Variants in ATG7 observed in about 807,000 individuals in gnomAD.
ATG7 encodes ubiquitin-like modifier-activating enzyme ATG7.
ATG7 carries 70 observed loss-of-function variants against 82.4 expected under a neutral mutation model. That is an observed-to-expected ratio of 0.85 (90% CI 0.70 to 1.04). ATG7 has a LOEUF of 1.04. Among genes scored for constraint, ATG7 ranks in the 50% least tolerant of loss-of-function variants. The probability of loss-of-function intolerance (pLI) is 0.00; values close to 1 mark genes in which losing one functional copy is unlikely to be tolerated. For missense variants in ATG7, 792 were observed against 864.3 expected, an observed-to-expected ratio of 0.92 and a Z score of 1.05; for synonymous variants, 287 against 313.0, an observed-to-expected ratio of 0.92 and a Z score of 0.88.
chr3:11,379,254 A>G (rs2077688102), intron 18 of ATG7, among the ~76,000 whole-genome samples: 1 of 152,172 alleles, frequency 6.6e-6, no homozygotes, highest in Non-Finnish European at 1.5e-5. Context: ...TCATATTTTT[A>G]TGATATATAG....
At position 11,476,725 on chromosome 3, in the gene ATG7, TTC is replaced by T. The variant is rs528856347; in HGVS notation, c.2079+49801_2079+49802del. Among the ~76,000 whole-genome samples, 21 of 152,348 alleles carry T rather than the reference TTC, an allele frequency of 1.4e-4. No individual in the cohort carries two copies. The East Asian group carries it at 4.1e-3, about 29-fold the overall frequency. ...CCAAAATGAAAATCAGATGTTTTTCTTCTTTTTCATTTTTTTCCAAAGCAAAT... is the reference window on the plus strand; with the variant it reads ...CCAAAATGAAAATCAGATGTTTTTCTTTTTTCATTTTTTTCCAAAGCAAAT... On this transcript the variant is annotated intron_variant, in intron 20 of 20. Coordinates refer to ENST00000693202, the MANE Select transcript of ATG7 (RefSeq NM_001349232.2).
At chr3:11,375,654 G>A (rs1477348739) in intron 18 of ATG7, among the ~76,000 whole-genome samples, 1 of 152,188 alleles carries the variant, frequency 6.6e-6, no homozygotes, top group Non-Finnish European at 1.5e-5. Context: ...CTGCCTTCCG[G>A]TTTCAAGCAA....
chr3:11,475,868 G>C (rs1377653582), intron 20 of ATG7, among the ~76,000 whole-genome samples: 3 of 111,126 alleles, frequency 2.7e-5, no homozygotes, highest in South Asian at 6.8e-4. Flanking sequence ...CTGTCTCTGA[G>C]ACACACACAC....
At chr3:11,447,711 C>T (rs1279509174) in intron 20 of ATG7, among the ~76,000 whole-genome samples, 1 of 152,096 alleles carries the variant, frequency 6.6e-6, no homozygotes, top group Non-Finnish European at 1.5e-5. Context: ...CTAGTGGCTC[C>T]AAAAAGAAAA....
intron 9 of ATG7, among the ~76,000 whole-genome samples, chr3:11,327,047 C>A (rs552975354): frequency 1.3e-5 from 2 of 152,284 alleles, no homozygotes; most frequent in South Asian, 2.1e-4. Flanking sequence ...CTAGCTGCCT[C>A]CCAGGATCCC....
At chr3:11,546,794 T>G (rs1025724141) in intron 20 of ATG7, among the ~76,000 whole-genome samples, 1 of 152,222 alleles carries the variant, frequency 6.6e-6, no homozygotes, top group Admixed American at 6.5e-5. Context: ...TGGCAGCCCA[T>G]CCCTGCCCTC....
Position 11,299,401 on chromosome 3 carries a change from T to C in ATG7, c.200T>C (p.Phe67Ser). ...AGLPARLTLE[F>S]SAFDMSAPTP... The stretch of plus-strand genomic sequence containing the variant: ...CTGCCAGCTCGCTTAACATTGGAGT[T>C]CAGTGCTTTTGACATGTGAGTATTT... Residue 67 changes from phenylalanine (F) to serine (S), a missense_variant, in exon 5 of 21, where the codon TTC becomes TCC. Transcript: ENST00000693202. 1.2e-6 allele frequency: 2 copies of C among 1,611,668 alleles called. No homozygotes were observed. Among genetic ancestry groups the C allele is most frequent in the South Asian group, 2.2e-5 (2 of 91,044 alleles).
chr3:11,455,378 G>C (rs1355130126), intron 20 of ATG7, among the ~76,000 whole-genome samples: 1 of 152,178 alleles, frequency 6.6e-6, no homozygotes, highest in Non-Finnish European at 1.5e-5. Flanking sequence ...AGAGTAGTCA[G>C]TTTCTGCAGG....
the ATG7 span, among the ~76,000 whole-genome samples, chr3:11,570,287 C>A: frequency 6.6e-6 from 1 of 152,196 alleles, no homozygotes; most frequent in South Asian, 2.1e-4. Flanking sequence ...TGCCAGGAGG[C>A]CTTTCCGACC....
At chr3:11,334,294 G>T (rs1346683911) in intron 11 of ATG7, among the ~76,000 whole-genome samples, 3 of 151,860 alleles carry the variant, frequency 2.0e-5, no homozygotes, top group East Asian at 2.0e-4. Context: ...ACCCAGGCTG[G>T]AGTGCAGTGG....
At chr3:11,337,989 G>C (rs970964414) in intron 11 of ATG7, among the ~76,000 whole-genome samples, 6 of 151,844 alleles carry the variant, frequency 4.0e-5, no homozygotes, top group African/African-American at 1.2e-4. Flanking sequence ...TCGGTTCAGG[G>C]GTATATGTGG....
downstream of ATG7, chr3:11,558,416 C>T: frequency 7.4e-7 from 1 of 1,352,560 alleles, no homozygotes; most frequent in Non-Finnish European, 9.8e-7. Flanking sequence ...ACACAAATCC[C>T]AACAACATGG....
At chr3:11,404,647 A>G (rs2080162530) in intron 19 of ATG7, among the ~76,000 whole-genome samples, 2 of 152,036 alleles carry the variant, frequency 1.3e-5, no homozygotes, top group African/African-American at 4.8e-5. Context: ...GCTCATAAAG[A>G]CATACCTGAG....
chr3:11,498,030 A>C (rs1269852045), intron 20 of ATG7, among the ~76,000 whole-genome samples: 1 of 152,198 alleles, frequency 6.6e-6, no homozygotes, highest in Admixed American at 6.5e-5. Context: ...CCTCATTTTA[A>C]GAGTGATGTT....
intron 20 of ATG7, among the ~76,000 whole-genome samples, chr3:11,444,796 A>C (rs758836018): frequency 6.6e-5 from 10 of 152,224 alleles, no homozygotes; most frequent in Non-Finnish European, 1.2e-4. Flanking sequence ...AATGGGAGAA[A>C]ATTTTCTCAA....
Position 11,468,308 on chromosome 3 carries a change from G to A in ATG7, c.2079+41382G>A, listed in dbSNP as rs917445777. ...TGAAGAATGAGAATGGAAGGGGTAA[G>A]TGGAGCTAGTGGGAGAGCACAGGCC... On this transcript the variant is annotated intron_variant, in intron 20 of 20. Coordinates refer to ENST00000693202, the MANE Select transcript of ATG7 (RefSeq NM_001349232.2). 1.5e-3 allele frequency among the ~76,000 whole-genome samples: 62 copies of A among 41,952 alleles called. 1 individual carries two copies. The highest frequency in any genetic ancestry group is 3.4e-4 in the Non-Finnish European group (8 of 23,288). The allele number at this position is 41,952 out of a possible 152,430, so 27.5% of individuals were successfully genotyped here.
At chr3:11,549,226 T>C (rs2071557848) in intron 20 of ATG7, among the ~76,000 whole-genome samples, 1 of 152,238 alleles carries the variant, frequency 6.6e-6, no homozygotes, top group Admixed American at 6.5e-5. Context: ...TGAAGTATGA[T>C]GTCTTCTGTG....
At chr3:11,557,743 C>T (rs1481233253), downstream of ATG7, 1 of 152,676 alleles carries the variant, frequency 6.5e-6, no homozygotes, top group Non-Finnish European at 1.5e-5. Context: ...TTAAAACATG[C>T]ATCACGTTTA....
intron 18 of ATG7, among the ~76,000 whole-genome samples, chr3:11,366,354 A>G (rs141268212): frequency 6.6e-6 from 1 of 151,804 alleles, no homozygotes; most frequent in South Asian, 2.1e-4. Flanking sequence ...ACCACAAAAC[A>G]CTATGAAAAT....
Sources: allele counts gnomAD v4.1 joint callset (sites outside exome capture counted in the v4.1 genomes callset), GRCh38; gene constraint gnomAD v4.1.1; transcripts MANE v1.5; gene names NCBI Gene and HGNC (gene_info 2026-07-23, HGNC 2026-07-21).